Variants in PIAS2 observed in about 807,000 individuals in gnomAD.
PIAS2 encodes E3 SUMO-protein ligase PIAS2.
A neutral mutation model predicts 69.7 loss-of-function variants in PIAS2; 19 were observed. That is an observed-to-expected ratio of 0.27 (90% CI 0.19 to 0.40). PIAS2 has a LOEUF of 0.40. Ranked by LOEUF, PIAS2 falls within the 10% of genes least tolerant of loss-of-function variation. The pLI, the probability that PIAS2 is intolerant of heterozygous loss-of-function variation, is 1.00. For missense variants in PIAS2, 624 were observed against 757.0 expected (o/e 0.82, Z 2.06); for synonymous variants, 261 against 263.2 (o/e 0.99, Z 0.08).
At chr18:46,876,093 G>A (rs757653188) in intron 2 of PIAS2, among the ~76,000 whole-genome samples, 19 of 152,194 alleles carry the variant, frequency 1.2e-4, no homozygotes, top group Non-Finnish European at 2.2e-4. Flanking sequence ...TGATCCATCC[G>A]CAAGTGGATG....
chr18:46,888,331 A>G (rs1349530389), intron 2 of PIAS2, among the ~76,000 whole-genome samples: 1 of 151,740 alleles, frequency 6.6e-6, no homozygotes. Flanking sequence ...AAACAAATTT[A>G]CAGATTCACT....
intron 2 of PIAS2, among the ~76,000 whole-genome samples, chr18:46,867,311 T>A (rs1045225916): frequency 1.3e-5 from 2 of 152,186 alleles, no homozygotes; most frequent in African/African-American, 4.8e-5. Flanking sequence ...TCCAGGAACT[T>A]ACAGCAACAA....
chr18:46,863,370 C>A (rs8089367), intron 3 of PIAS2, among the ~76,000 whole-genome samples: 4 of 152,056 alleles, frequency 2.6e-5, no homozygotes, highest in African/African-American at 7.2e-5. Flanking sequence ...TGCCCAGTCT[C>A]GAGTGCTGCA....
At position 46,836,372 on chromosome 18, in the gene PIAS2, C is replaced by A. The variant is rs764935615; in HGVS notation, c.1187G>T (p.Ser396Ile). The change falls in exon 9 of 14, where the codon AGT (serine) becomes ATT (isoleucine). Residue 396 changes from serine (S) to isoleucine (I), a missense_variant. Coordinates refer to ENST00000585916, the MANE Select transcript of PIAS2 (RefSeq NM_004671.5). The part of the protein sequence containing the change: ...PVCDKKAAYE[S>I]LILDGLFMEI... ...ATATACTTACCCATCTAATATTAGA[C>A]TTTCATAGGCAGCTTTTTTGTCACA... 6.2e-7 allele frequency: 1 copy of A among 1,613,892 alleles called. No individual in the cohort carries two copies. The highest frequency in any genetic ancestry group is 2.2e-5 in the East Asian group (1 of 44,874).
chr18:46,863,395 GCTCACTGCAGC>G (rs2048965063), intron 3 of PIAS2, among the ~76,000 whole-genome samples: 1 of 152,044 alleles, frequency 6.6e-6, no homozygotes, highest in Admixed American at 6.6e-5. Flanking sequence ...GATCACAACA[GCTCACTGCAGC>G]CTCGACCTCC....
intron 8 of PIAS2, among the ~76,000 whole-genome samples, chr18:46,841,746 T>A (rs955334684): frequency 1.3e-5 from 2 of 152,186 alleles, no homozygotes; most frequent in Non-Finnish European, 1.5e-5. Flanking sequence ...TGTTGTCACT[T>A]CTGAGCAGAG....
At chr18:46,914,272 A>G (rs1324569582) in intron 1 of PIAS2, among the ~76,000 whole-genome samples, 2 of 152,152 alleles carry the variant, frequency 1.3e-5, no homozygotes, top group African/African-American at 2.4e-5. Flanking sequence ...ATCCATCAGG[A>G]TAATCTGCTG....
At chr18:46,917,606 C>T, upstream of PIAS2, 4 of 997,898 alleles carry the variant, frequency 4.0e-6, no homozygotes, top group Non-Finnish European at 3.6e-6. Flanking sequence ...GCCTTCAGTC[C>T]GCGCGGCGAC....
chr18:46,817,769 C>T, intron 12 of PIAS2: 3 of 951,490 alleles, frequency 3.2e-6, no homozygotes, highest in Non-Finnish European at 3.8e-6. Context: ...CAAGTACTAA[C>T]AGTGAAGTTT....
intron 8 of PIAS2, among the ~76,000 whole-genome samples, chr18:46,838,541 C>T (rs116451202): frequency 0.013 from 1,939 of 152,180 alleles, 37 homozygotes; most frequent in African/African-American, 0.043. Context: ...GTATGTGGCA[C>T]GATATAACTC....
intron 2 of PIAS2, among the ~76,000 whole-genome samples, chr18:46,878,299 G>T (rs1343542763): frequency 6.6e-6 from 1 of 152,130 alleles, no homozygotes; most frequent in East Asian, 1.9e-4. Flanking sequence ...TACTATACAT[G>T]TAATATATTT....
intron 2 of PIAS2, among the ~76,000 whole-genome samples, chr18:46,885,437 C>T (rs2053004378): frequency 6.6e-6 from 1 of 151,538 alleles, no homozygotes; most frequent in Non-Finnish European, 1.5e-5. Flanking sequence ...AGGAGAATTG[C>T]TTGAACTTGG....
chr18:46,836,502 G>C lies in PIAS2; in HGVS notation c.1057C>G (p.Leu353Val). The C allele has an allele frequency of 5.6e-6, 9 of 1,611,402 alleles. No individual in the cohort carries two copies. The highest frequency in any genetic ancestry group is 7.6e-6 in the Non-Finnish European group (9 of 1,178,276). ...GTCACTGCACGGCATGGGATTGTCA[G>C]CCTCATTTTTCCTAACTACAGGACA... ...SLMCPLGKMR[L>V]TIPCRAVTCT... The change falls in exon 9 of 14, where the codon CTG becomes GTG. Residue 353 changes from leucine to valine, a missense_variant. Around this residue, in one of 3 missense-constraint regions of PIAS2, gnomAD observed 44 missense variants for 90.9 expected, o/e 0.48. Transcript: ENST00000585916.
rs2043337950 is a variant in PIAS2, at chr18:46,829,811, T to G, written c.1259A>C (p.Glu420Ala). 6.2e-7 allele frequency: 1 copy of G among 1,613,620 alleles called. No homozygotes were observed. The highest frequency in any genetic ancestry group is 1.7e-4 in the Middle Eastern group (1 of 6,060). Residue 420 changes from glutamate to alanine, a missense_variant, in exon 10 of 14, where the codon GAA (glutamate) becomes GCA (alanine). Transcript: ENST00000585916. ...TCTCATTGGACACCAAGAACCATCT[T>G]CTTGGAATTTGATCTCATCTACATC... ...CSDVDEIKFQ[E>A]DGSWCPMRPK...
At chr18:46,843,406 C>T (rs2045709510) in intron 8 of PIAS2, among the ~76,000 whole-genome samples, 1 of 152,186 alleles carries the variant, frequency 6.6e-6, no homozygotes, top group South Asian at 2.1e-4. Flanking sequence ...TCATTCACTG[C>T]TCCTGACCCT....
chr18:46,909,616 T>C (rs191595489), intron 1 of PIAS2, among the ~76,000 whole-genome samples: 32 of 152,332 alleles, frequency 2.1e-4, no homozygotes, highest in Non-Finnish European at 4.6e-4. Flanking sequence ...AACTTCTGCA[T>C]TGCTGGAGAG....
At chr18:46,855,991 T>C (rs2047692347) in intron 3 of PIAS2, among the ~76,000 whole-genome samples, 1 of 141,280 alleles carries the variant, frequency 7.1e-6, no homozygotes, top group Non-Finnish European at 1.5e-5. Context: ...TTTTTCTTTT[T>C]CTTTTGTTTT....
At chr18:46,812,635 C>T in intron 13 of PIAS2, 23 bp from the exon 14 acceptor site, 1 of 1,488,050 alleles carries the variant, frequency 6.7e-7, no homozygotes, top group South Asian at 1.2e-5. Context: ...AACAATGATG[C>T]CAATGAGGAA....
intron 2 of PIAS2, among the ~76,000 whole-genome samples, chr18:46,866,321 C>A (rs1599946509): frequency 6.6e-6 from 1 of 152,060 alleles, no homozygotes. Context: ...AAAAAAGAAA[C>A]AAGGGAACAA....
Sources: gnomAD v4.1 joint callset for allele counts (sites outside exome capture counted in the v4.1 genomes callset) on GRCh38, gnomAD v4.1.1 for gene constraint, gnomAD v4.1.1 regional missense constraint, MANE v1.5 for transcripts, NCBI Gene and HGNC (gene_info 2026-07-23, HGNC 2026-07-21) for gene names.